Variants in PRKG1 observed in about 807,000 individuals in gnomAD.
PRKG1 encodes cGMP-dependent protein kinase 1.
A neutral mutation model predicts 88.1 loss-of-function variants in PRKG1; 35 were observed. The observed-to-expected ratio is 0.40, with a 90% confidence interval of 0.30 to 0.53. PRKG1 has a LOEUF of 0.53. Ranked by LOEUF, PRKG1 falls within the 20% of genes least tolerant of loss-of-function variation. The pLI, the probability that PRKG1 is intolerant of heterozygous loss-of-function variation, is 0.59. For missense variants in PRKG1, 540 were observed against 839.8 expected (o/e 0.64, Z 4.41); for synonymous variants, 303 against 292.5 (o/e 1.04, Z -0.37).
At chr10:51,166,460 T>C (rs1262399440) in intron 2 of PRKG1, among the ~76,000 whole-genome samples, 3 of 151,968 alleles carry the variant, frequency 2.0e-5, no homozygotes, top group Non-Finnish European at 4.4e-5. Flanking sequence ...AAAACATGAT[T>C]AATAGCGATA....
intron 5 of PRKG1, among the ~76,000 whole-genome samples, chr10:51,933,778 A>C (rs1842743159): frequency 6.6e-6 from 1 of 152,140 alleles, no homozygotes; most frequent in Non-Finnish European, 1.5e-5. Flanking sequence ...TTAGCTGCTT[A>C]ATAACTTTTA....
intron 1 of PRKG1, among the ~76,000 whole-genome samples, chr10:51,045,683 T>C (rs528164034): frequency 6.6e-6 from 1 of 152,362 alleles, no homozygotes; most frequent in South Asian, 2.1e-4. Flanking sequence ...TCCACAACTG[T>C]GCTCGTAATC....
chr10:51,700,622 T>C (rs1222658804), intron 3 of PRKG1, among the ~76,000 whole-genome samples: 2 of 152,150 alleles, frequency 1.3e-5, no homozygotes, highest in African/African-American at 2.4e-5. Flanking sequence ...TGGAGAGGGC[T>C]AGGTAAATTC....
intron 3 of PRKG1, among the ~76,000 whole-genome samples, chr10:51,644,146 G>A (rs967054963): frequency 6.6e-6 from 1 of 152,004 alleles, no homozygotes; most frequent in Non-Finnish European, 1.5e-5. Flanking sequence ...TTTGAGTCAG[G>A]GTTCAAATTT....
At chr10:51,766,078 C>T (rs948507567) in intron 3 of PRKG1, among the ~76,000 whole-genome samples, 118 of 152,014 alleles carry the variant, frequency 7.8e-4, no homozygotes, top group African/African-American at 2.7e-3. Flanking sequence ...CCCAAGATAT[C>T]ATTCAAAGTT....
At chr10:52,211,784 G>A (rs542738203) in intron 9 of PRKG1, among the ~76,000 whole-genome samples, 1 of 151,084 alleles carries the variant, frequency 6.6e-6, no homozygotes, top group Non-Finnish European at 1.5e-5. Context: ...GAAAGTGGAA[G>A]ATATGAATGC....
chr10:51,513,264 G>A (rs1301650975), intron 3 of PRKG1, among the ~76,000 whole-genome samples: 1 of 144,134 alleles, frequency 6.9e-6, no homozygotes, highest in East Asian at 2.1e-4. Context: ...ATTACATAAT[G>A]GTAAAGGGAT....
intron 4 of PRKG1, among the ~76,000 whole-genome samples, chr10:51,826,923 C>T (rs1320559837): frequency 6.6e-6 from 1 of 152,130 alleles, no homozygotes. Context: ...CTTTCAGCAA[C>T]AAGTTTAGTT....
chr10:51,128,216 ATC>A (rs1299755994), intron 1 of PRKG1, among the ~76,000 whole-genome samples: 4 of 122,024 alleles, frequency 3.3e-5, no homozygotes, highest in South Asian at 3.3e-4. Flanking sequence ...CTTAAAAAAA[ATC>A]CGGATAGACT....
chr10:51,527,164 G>T (rs1389697605), intron 3 of PRKG1, among the ~76,000 whole-genome samples: 2 of 152,062 alleles, frequency 1.3e-5, no homozygotes. Context: ...TATGGCAAAG[G>T]TGAAACATAT....
At chr10:51,544,168 A>G (rs896016131) in intron 3 of PRKG1, among the ~76,000 whole-genome samples, 2 of 150,970 alleles carry the variant, frequency 1.3e-5, no homozygotes, top group Admixed American at 1.3e-4. Context: ...CCTGACATTT[A>G]CATTAGGTTT....
intron 1 of PRKG1, among the ~76,000 whole-genome samples, chr10:51,122,284 A>C (rs1457477375): frequency 6.6e-6 from 1 of 152,212 alleles, no homozygotes; most frequent in African/African-American, 2.4e-5. Context: ...AACAAATCAC[A>C]ATAATGCATC....
chr10:51,669,961 G>GA lies in PRKG1; in HGVS notation c.593-134621dup, dbSNP rs201591557. 5.9e-3 allele frequency among the ~76,000 whole-genome samples: 899 copies of GA among 152,200 alleles called. 6 individuals are homozygous for GA. The highest frequency in any genetic ancestry group is 6.7e-3 in the Non-Finnish European group (458 of 68,014). On this transcript the variant is annotated intron_variant, in intron 3 of 17. Transcript: ENST00000373980. ...CTTGATCTATCAATTTCAGAGGGGG[G>GA]AAATAATAAAAATTATGGCTTTATG...
intron 4 of PRKG1, among the ~76,000 whole-genome samples, chr10:51,855,188 C>T (rs1216674028): frequency 6.6e-6 from 1 of 152,088 alleles, no homozygotes; most frequent in Non-Finnish European, 1.5e-5. Context: ...TCAAAGGATC[C>T]TGCTGTACTC....
intron 3 of PRKG1, among the ~76,000 whole-genome samples, chr10:51,589,246 A>G (rs931561191): frequency 2.0e-5 from 3 of 152,124 alleles, no homozygotes; most frequent in Non-Finnish European, 4.4e-5. Context: ...AACAAGGGGG[A>G]AAAACCTGCC....
intron 2 of PRKG1, among the ~76,000 whole-genome samples, chr10:51,445,405 G>C (rs1170135653): frequency 2.0e-5 from 3 of 150,260 alleles, no homozygotes; most frequent in African/African-American, 7.3e-5. Context: ...ATAAAAGTTA[G>C]CCTTTGATCA....
At chr10:52,283,099 G>T (rs117428114) in intron 14 of PRKG1, among the ~76,000 whole-genome samples, 251 of 152,222 alleles carry the variant, frequency 1.6e-3, no homozygotes, top group Non-Finnish European at 2.9e-3. Context: ...ATCTTTTGAC[G>T]ATCATGATTG....
intron 3 of PRKG1, among the ~76,000 whole-genome samples, chr10:51,727,282 A>AT (rs1564623133): frequency 1.2e-4 from 18 of 146,508 alleles, no homozygotes; most frequent in East Asian, 3.9e-4. Flanking sequence ...TGCAAAAAAA[A>AT]AAAATATATA....
At chr10:51,431,810 T>A (rs181459552) in intron 2 of PRKG1, among the ~76,000 whole-genome samples, 253 of 152,274 alleles carry the variant, frequency 1.7e-3, no homozygotes, top group African/African-American at 5.6e-3. Flanking sequence ...CTTTTTCCTA[T>A]TTTTTAGTAT....
Sources: gnomAD v4.1 joint callset for allele counts (sites outside exome capture counted in the v4.1 genomes callset) on GRCh38, gnomAD v4.1.1 for gene constraint, MANE v1.5 for transcripts, NCBI Gene and HGNC (gene_info 2026-07-23, HGNC 2026-07-21) for gene names.